The following TRIO variants were observed in gnomAD, a reference collection of about 807,000 sequenced individuals.
TRIO encodes trio Rho guanine nucleotide exchange factor, also known as triple functional domain protein.
TRIO carries 58 observed loss-of-function variants against 351.9 expected under a neutral mutation model. That is an observed-to-expected ratio of 0.16 (90% CI 0.13 to 0.21). TRIO has a LOEUF of 0.21. Among genes scored for constraint, TRIO ranks in the 10% least tolerant of loss-of-function variants. The pLI is 1.00. For missense variants in TRIO, 3,201 were observed against 4,027.8 expected, an observed-to-expected ratio of 0.79 and a Z score of 5.56; for synonymous variants, 1,758 against 1,595.7, an observed-to-expected ratio of 1.10 and a Z score of -2.42.
intron 34 of TRIO, among the ~76,000 whole-genome samples, chr5:14,439,500 C>T (rs1946182806): frequency 1.3e-5 from 2 of 152,138 alleles, no homozygotes; most frequent in Admixed American, 6.5e-5. Flanking sequence ...GTTGGCAGTC[C>T]GTATTTTGGA....
At chr5:14,327,714 G>A (rs1464278144) in intron 9 of TRIO, among the ~76,000 whole-genome samples, 1 of 152,158 alleles carries the variant, frequency 6.6e-6, no homozygotes, top group Admixed American at 6.5e-5. Flanking sequence ...CTTACAGGCA[G>A]GTGAACTGTA....
At chr5:14,230,123 C>A (rs116990067) in intron 1 of TRIO, among the ~76,000 whole-genome samples, 2 of 152,328 alleles carry the variant, frequency 1.3e-5, no homozygotes, top group East Asian at 3.9e-4. Context: ...TTATGAGCCA[C>A]TTTGCCACTG....
intron 34 of TRIO, among the ~76,000 whole-genome samples, chr5:14,458,762 C>T (rs1180910625): frequency 2.0e-5 from 3 of 152,118 alleles, no homozygotes; most frequent in Non-Finnish European, 4.4e-5. Flanking sequence ...TTATCCAAAC[C>T]TGCCCCTTCT....
intron 1 of TRIO, among the ~76,000 whole-genome samples, chr5:14,226,657 T>C (rs1429164411): frequency 6.6e-6 from 1 of 152,264 alleles, no homozygotes; most frequent in African/African-American, 2.4e-5. Flanking sequence ...CACAACGTTA[T>C]AGTTTAACAT....
At chr5:14,411,040 C>G (rs1749156435) in intron 33 of TRIO, among the ~76,000 whole-genome samples, 1 of 152,208 alleles carries the variant, frequency 6.6e-6, no homozygotes, top group Non-Finnish European at 1.5e-5. Flanking sequence ...CTTATCTCAT[C>G]TGTCCTGAGT....
intron 1 of TRIO, among the ~76,000 whole-genome samples, chr5:14,239,824 G>T (rs1052201836): frequency 1.3e-5 from 2 of 152,198 alleles, no homozygotes; most frequent in African/African-American, 4.8e-5. Context: ...TGTAGGATCT[G>T]AAAGGAGAAC....
intron 1 of TRIO, among the ~76,000 whole-genome samples, chr5:14,269,353 C>G (rs966653700): frequency 6.6e-6 from 1 of 152,250 alleles, no homozygotes; most frequent in African/African-American, 2.4e-5. Context: ...AGACTGAATT[C>G]TGCTATATTC....
At chr5:14,482,537 T>C (rs767352733) in intron 45 of TRIO, 45 bp from the exon 46 acceptor site, 16 of 1,351,630 alleles carry the variant, frequency 1.2e-5, no homozygotes, top group Middle Eastern at 3.9e-4. Context: ...TAGAAGGCAA[T>C]GTTTTCTTCT....
chr5:14,409,445 C>T (rs1222048621), intron 33 of TRIO, among the ~76,000 whole-genome samples: 1 of 151,014 alleles, frequency 6.6e-6, no homozygotes, highest in Non-Finnish European at 1.5e-5. Context: ...AAGAAAACTC[C>T]CTATGAGATA....
chr5:14,390,874 T>G, intron 26 of TRIO, 27 bp from the exon 27 acceptor site: 9 of 1,571,318 alleles, frequency 5.7e-6, no homozygotes, highest in South Asian at 1.2e-5. Context: ...ATGATTTAAA[T>G]GAGATCTTTT....
In TRIO at chr5:14,509,365, G is replaced by A; in HGVS notation, c.*943G>A. On this transcript the variant is annotated 3_prime_UTR_variant, in exon 57 of 57. Transcript: ENST00000344204. ...AGAAAAAGCACATACTTCGTATGGTGAGCTTTATGGTTTTGTGTGTGTGTT... is the reference window on the plus strand; with the variant it reads ...AGAAAAAGCACATACTTCGTATGGTAAGCTTTATGGTTTTGTGTGTGTGTT... 4.6e-6 allele frequency: 2 copies of A among 436,808 alleles called. No homozygotes were observed. The highest frequency in any genetic ancestry group is 3.2e-5 in the South Asian group (2 of 61,896). 27.1% of individuals were successfully genotyped at this position (436,808 alleles called of 1,614,324 possible).
At chr5:14,161,002 C>T (rs1008786360) in intron 1 of TRIO, among the ~76,000 whole-genome samples, 2 of 152,152 alleles carry the variant, frequency 1.3e-5, no homozygotes, top group Non-Finnish European at 2.9e-5. Flanking sequence ...CTTCTGCCTC[C>T]TGGGTTCAAG....
In TRIO at chr5:14,378,452, A is replaced by AT. The variant is rs927866992; in HGVS notation, c.3447+334dup. On this transcript the variant is annotated intron_variant, in intron 20 of 56. Coordinates refer to ENST00000344204, the MANE Select transcript of TRIO (RefSeq NM_007118.4). The stretch of plus-strand genomic sequence containing the variant: ...TTCTGTACTTAGGTAAATATGATGG[A>AT]TTTTTTTTTATATTGATGTATTTAT... 9.9e-5 allele frequency among the ~76,000 whole-genome samples: 15 copies of AT among 151,438 alleles called. No individual in the cohort carries two copies. The South Asian group carries it at 2.1e-3, about 21-fold the overall frequency.
intron 51 of TRIO, 68 bp from the exon 52 acceptor site, chr5:14,498,021 G>C: frequency 4.3e-6 from 7 of 1,611,664 alleles, no homozygotes; most frequent in Non-Finnish European, 5.9e-6. Context: ...AATCTGTCGG[G>C]GACATGTGGG....
In TRIO at chr5:14,509,167, TC is replaced by T. The variant is rs1205721797; in HGVS notation, c.*747del. ...CCTGCCCCACTGCCCCTCCCCCTGT[TC>T]CTGCCCCAAGCCGTCAATCAGATTG... On this transcript the variant is annotated 3_prime_UTR_variant, in exon 57 of 57. Coordinates refer to ENST00000344204, the MANE Select transcript of TRIO (RefSeq NM_007118.4). 21 of 255,848 alleles carry T rather than the reference TC, an allele frequency of 8.2e-5. No homozygotes were observed. Among genetic ancestry groups the T allele is most frequent in the South Asian group, 5.0e-4 (14 of 28,084 alleles). The allele number at this position is 255,848 out of a possible 1,614,324, so 15.8% of individuals were successfully genotyped here. A position where few individuals can be genotyped will look rare whatever the true frequency, so the allele number is the denominator to read the frequency against.
Position 14,497,985 on chromosome 5 carries a change from G to A in TRIO, c.8048-104G>A. ...AAATGAGTTTTCCGTGGCGCTCTAG[G>A]CGTGCATAGCAGGTTAGGTCCTATC... On this transcript the variant is annotated intron_variant, in intron 51 of 56. Transcript: ENST00000344204. The surrounding 1 kb of genome is among the most constrained non-coding windows in gnomAD (Gnocchi z 4.4). The A allele has an allele frequency of 6.2e-7, 1 of 1,609,982 alleles. No individual in the cohort carries two copies. Among genetic ancestry groups the A allele is most frequent in the Non-Finnish European group, 8.5e-7 (1 of 1,176,552 alleles).
intron 1 of TRIO, among the ~76,000 whole-genome samples, chr5:14,202,059 T>C (rs1453477991): frequency 6.6e-6 from 1 of 151,540 alleles, no homozygotes; most frequent in Non-Finnish European, 1.5e-5. Flanking sequence ...ATGGCACATG[T>C]ATACATATGT....
chr5:14,432,582 C>T (rs757697763), intron 34 of TRIO, among the ~76,000 whole-genome samples: 2 of 152,224 alleles, frequency 1.3e-5, no homozygotes, highest in Non-Finnish European at 2.9e-5. Flanking sequence ...CATTCCACTG[C>T]CCAGAGAAGT....
At chr5:14,395,696 C>CT (rs1942257744) in intron 28 of TRIO, among the ~76,000 whole-genome samples, 1 of 152,192 alleles carries the variant, frequency 6.6e-6, no homozygotes, top group Non-Finnish European at 1.5e-5. Context: ...TGTCATACCT[C>CT]TCTTTTGTTG....
Sources: gnomAD v4.1 joint callset for allele counts (sites outside exome capture counted in the v4.1 genomes callset) on GRCh38, gnomAD v4.1.1 for gene constraint, Gnocchi (gnomAD v3.1) non-coding constraint, MANE v1.5 for transcripts, NCBI Gene and HGNC (gene_info 2026-07-23, HGNC 2026-07-21) for gene names.